RAD51B: variants seen among roughly 807,000 people sequenced by gnomAD.
RAD51B encodes DNA repair protein RAD51 homolog 2.
RAD51B carries 38 observed loss-of-function variants against 42.2 expected under a neutral mutation model. That is an observed-to-expected ratio of 0.90 (90% CI 0.70 to 1.18). The LOEUF is 1.18. Ranked by LOEUF, RAD51B falls within the 50% of genes most tolerant of loss-of-function variation. The probability of loss-of-function intolerance (pLI) is 0.00; values close to 1 mark genes in which losing one functional copy is unlikely to be tolerated. For missense variants in RAD51B, 373 were observed against 400.7 expected, an observed-to-expected ratio of 0.93 and a Z score of 0.59; for synonymous variants, 154 against 145.2, an observed-to-expected ratio of 1.06 and a Z score of -0.43.
intron 8 of RAD51B, among the ~76,000 whole-genome samples, chr14:68,334,954 G>GT (rs201096865): frequency 1.2e-4 from 9 of 77,482 alleles, no homozygotes; most frequent in East Asian, 2.9e-4. Flanking sequence ...TATTATATAT[G>GT]TTTTATATAT....
At chr14:68,261,360 G>C (rs1426986004) in intron 7 of RAD51B, among the ~76,000 whole-genome samples, 1 of 152,240 alleles carries the variant, frequency 6.6e-6, no homozygotes, top group Non-Finnish European at 1.5e-5. Flanking sequence ...TCCCGGAGCT[G>C]TCTGTCTTTT....
rs945448011 is a variant in RAD51B at position 68,111,074 on chromosome 14, A to G, written c.757-180810A>G. ...TTTTAAAATGACAAGTAAGATAATT[A>G]CATGAAAGGATCTGTCTAGGCTCTT... On this transcript the variant is annotated intron_variant, in intron 7 of 10. Transcript: ENST00000471583. 2.0e-5 allele frequency among the ~76,000 whole-genome samples: 3 copies of G among 152,220 alleles called. No individual in the cohort carries two copies. In the South Asian group the frequency reaches 6.2e-4, roughly 32 times the overall value.
chr14:68,502,523 C>A (rs1280245895), intron 10 of RAD51B, among the ~76,000 whole-genome samples: 1 of 152,198 alleles, frequency 6.6e-6, no homozygotes, highest in African/African-American at 2.4e-5. Context: ...AAATAAACCC[C>A]TCAATAGTCC....
chr14:67,940,054 A>T (rs59548607), intron 7 of RAD51B, among the ~76,000 whole-genome samples: 79 of 14,554 alleles, frequency 5.4e-3, no homozygotes, highest in East Asian at 0.013. Flanking sequence ...ATATATATAT[A>T]TTTTTTTTTT....
At chr14:68,488,655 A>C (rs1219239402) in intron 10 of RAD51B, among the ~76,000 whole-genome samples, 8 of 152,164 alleles carry the variant, frequency 5.3e-5, no homozygotes, top group Non-Finnish European at 7.3e-5. Flanking sequence ...TCTTCTTAGT[A>C]ATTTTTCATC....
intron 7 of RAD51B, among the ~76,000 whole-genome samples, chr14:68,175,897 C>G (rs1381626459): frequency 6.6e-6 from 1 of 152,186 alleles, no homozygotes; most frequent in Non-Finnish European, 1.5e-5. Context: ...AATGATTTCT[C>G]TACTATATAT....
At chr14:68,118,329 T>G (rs1211391947) in intron 7 of RAD51B, among the ~76,000 whole-genome samples, 1 of 152,194 alleles carries the variant, frequency 6.6e-6, no homozygotes, top group Admixed American at 6.5e-5. Flanking sequence ...AATATCCTTT[T>G]TCTGCTTCAG....
chr14:67,991,229 T>C (rs2075291723), intron 7 of RAD51B, among the ~76,000 whole-genome samples: 1 of 152,206 alleles, frequency 6.6e-6, no homozygotes, highest in African/African-American at 2.4e-5. Context: ...TAAACATCTG[T>C]AGGTTCTCTC....
chr14:68,099,979 T>G (rs899395313), intron 7 of RAD51B, among the ~76,000 whole-genome samples: 1 of 152,098 alleles, frequency 6.6e-6, no homozygotes, highest in Non-Finnish European at 1.5e-5. Context: ...AATAAACACA[T>G]TTTATGAGAG....
chr14:67,953,907 G>T (rs1453074734), intron 7 of RAD51B, among the ~76,000 whole-genome samples: 1 of 152,038 alleles, frequency 6.6e-6, no homozygotes, highest in Non-Finnish European at 1.5e-5. Context: ...GAAGAGAAAG[G>T]GACAGGAAGA....
At chr14:67,965,892 T>C (rs886687530) in intron 7 of RAD51B, among the ~76,000 whole-genome samples, 3 of 152,088 alleles carry the variant, frequency 2.0e-5, no homozygotes, top group Non-Finnish European at 4.4e-5. Context: ...GGGCCACCGT[T>C]AGAGCAGAGT....
intron 11 of RAD51B, among the ~76,000 whole-genome samples, chr14:68,668,014 C>T (rs1595055173): frequency 1.3e-5 from 2 of 152,302 alleles, no homozygotes; most frequent in Admixed American, 1.3e-4. Flanking sequence ...ACTTCCCTGG[C>T]CTGGGTCTGC....
At chr14:67,998,623 G>A (rs1389552373) in intron 7 of RAD51B, among the ~76,000 whole-genome samples, 1 of 152,190 alleles carries the variant, frequency 6.6e-6, no homozygotes, top group African/African-American at 2.4e-5. Flanking sequence ...GGTAAACGCT[G>A]CAGCCGCAAG....
At chr14:68,358,481 G>A (rs2082953249) in intron 8 of RAD51B, among the ~76,000 whole-genome samples, 1 of 152,204 alleles carries the variant, frequency 6.6e-6, no homozygotes, top group Non-Finnish European at 1.5e-5. Flanking sequence ...ATGACCATCA[G>A]CAGTGTTTGT....
At chr14:68,613,099 T>G (rs1891733515), downstream of RAD51B, among the ~76,000 whole-genome samples, 8 of 152,232 alleles carry the variant, frequency 5.3e-5, no homozygotes, top group Admixed American at 5.2e-4. Flanking sequence ...CAGGTCATTC[T>G]GCATAATGCA....
chr14:68,677,895 C>CT (rs1893345171), intron 11 of RAD51B, among the ~76,000 whole-genome samples: 1 of 152,120 alleles, frequency 6.6e-6, no homozygotes, highest in South Asian at 2.1e-4. Context: ...GCAGGCTGGC[C>CT]TTTTTCCCAG....
intron 7 of RAD51B, among the ~76,000 whole-genome samples, chr14:67,971,035 T>C (rs1409859903): frequency 6.6e-6 from 1 of 152,112 alleles, no homozygotes; most frequent in Non-Finnish European, 1.5e-5. Flanking sequence ...AAGATTATAA[T>C]TTTTAAACTA....
chr14:68,545,725 A>T (rs548531275), intron 10 of RAD51B: 1 of 439,750 alleles, frequency 2.3e-6, no homozygotes, highest in Non-Finnish European at 4.6e-6. Context: ...TTATCTGCCA[A>T]GAGTGAAGGG....
chr14:68,510,584 G>C (rs1439472964), intron 10 of RAD51B, among the ~76,000 whole-genome samples: 1 of 152,164 alleles, frequency 6.6e-6, no homozygotes, highest in African/African-American at 2.4e-5. Flanking sequence ...GGTTATTTTG[G>C]AAAAGAGAAT....
Sources: allele counts gnomAD v4.1 joint callset (sites outside exome capture counted in the v4.1 genomes callset), GRCh38; gene constraint gnomAD v4.1.1; transcripts MANE v1.5; gene names NCBI Gene and HGNC (gene_info 2026-07-23, HGNC 2026-07-21).